Variants in SETBP1 observed in about 807,000 individuals in gnomAD.
SETBP1 encodes the protein SET binding protein 1.
In SETBP1, 9 loss-of-function variants were observed where a neutral mutation model predicts 101.0. That is an observed-to-expected ratio of 0.09 (90% confidence interval 0.05 to 0.16). The LOEUF is 0.16. Among genes scored for constraint, SETBP1 ranks in the 10% least tolerant of loss-of-function variants. The pLI, the probability that SETBP1 is intolerant of heterozygous loss-of-function variation, is 1.00. For missense variants in SETBP1, 1,858 were observed against 2,033.8 expected (o/e 0.91, Z 1.66); for synonymous variants, 818 against 788.5 (o/e 1.04, Z -0.63).
At chr18:44,738,348 C>G (rs563451538) in intron 2 of SETBP1, among the ~76,000 whole-genome samples, 40 of 152,320 alleles carry the variant, frequency 2.6e-4, no homozygotes, top group African/African-American at 7.9e-4. Context: ...TCTTTATTAA[C>G]AGTAAAATTC....
At chr18:45,032,998 T>A (rs1267194181) in intron 4 of SETBP1, among the ~76,000 whole-genome samples, 1 of 152,186 alleles carries the variant, frequency 6.6e-6, no homozygotes, top group Non-Finnish European at 1.5e-5. Flanking sequence ...AAAAATAAAA[T>A]TTTTATTGAC....
Position 45,063,482 on chromosome 18 carries a change from A to ACCG in SETBP1, c.4584_4586dup (p.Pro1529dup). Reference sequence around the variant, plus strand: ...GGGAGGCGCCGCCCCTGCCCCCGCCACCGCCGCCGCCCCTGCCGCCACCGC... The same window carrying ACCG: ...GGGAGGCGCCGCCCCTGCCCCCGCCACCGCCGCCGCCGCCCCTGCCGCCACCGC... On this transcript the variant is annotated inframe_insertion, in exon 6 of 6. Transcript: ENST00000649279. 2.1e-6 allele frequency: 2 copies of ACCG among 958,652 alleles called. No homozygotes were observed. The highest frequency in any genetic ancestry group is 2.6e-6 in the Non-Finnish European group (2 of 777,600). 59.4% of individuals were successfully genotyped at this position (958,652 alleles called of 1,614,324 possible). A position where few individuals can be genotyped will look rare whatever the true frequency, so the allele number is the denominator to read the frequency against.
intron 2 of SETBP1, among the ~76,000 whole-genome samples, chr18:44,783,929 T>C (rs1418966379): frequency 1.3e-5 from 2 of 152,182 alleles, no homozygotes; most frequent in Non-Finnish European, 2.9e-5. Context: ...AAATTTCTTG[T>C]AGTGAAATAA....
intron 3 of SETBP1, among the ~76,000 whole-genome samples, chr18:44,894,957 A>T (rs2069857785): frequency 3.7e-5 from 1 of 26,678 alleles, no homozygotes; most frequent in South Asian, 8.6e-4. Context: ...TGCAAAACTT[A>T]AAAAAAAAAA....
At chr18:44,964,555 A>G (rs2071680412) in intron 4 of SETBP1, among the ~76,000 whole-genome samples, 2 of 151,994 alleles carry the variant, frequency 1.3e-5, no homozygotes, top group Admixed American at 6.6e-5. Flanking sequence ...CTATAAACCT[A>G]TAACATGGAA....
chr18:44,845,899 C>T (rs998212778), intron 2 of SETBP1, among the ~76,000 whole-genome samples: 1 of 152,184 alleles, frequency 6.6e-6, no homozygotes, highest in Admixed American at 6.5e-5. Context: ...GAAGCAATAC[C>T]TCTTCCCAGG....
intron 1 of SETBP1, 31 bp downstream of exon 1, chr18:44,681,052 T>C (rs1417138939): frequency 6.6e-6 from 1 of 152,230 alleles, no homozygotes; most frequent in East Asian, 1.9e-4. Context: ...TGCCTGTGTG[T>C]TAGTCTTTTT....
intron 4 of SETBP1, among the ~76,000 whole-genome samples, chr18:44,995,950 A>C (rs1296464465): frequency 6.6e-6 from 1 of 152,210 alleles, no homozygotes; most frequent in Non-Finnish European, 1.5e-5. Flanking sequence ...TATGGTCCAC[A>C]TATAGGCCAT....
chr18:44,982,277 G>A (rs2072131188), intron 4 of SETBP1, among the ~76,000 whole-genome samples: 1 of 152,234 alleles, frequency 6.6e-6, no homozygotes, highest in Non-Finnish European at 1.5e-5. Flanking sequence ...GCAAGCATAT[G>A]GCAGAGTGCC....
intron 2 of SETBP1, among the ~76,000 whole-genome samples, chr18:44,843,171 C>T (rs1296224794): frequency 6.6e-6 from 1 of 152,188 alleles, no homozygotes; most frequent in Non-Finnish European, 1.5e-5. Flanking sequence ...GCAGACAGCT[C>T]CCCAGGCAGC....
intron 2 of SETBP1, among the ~76,000 whole-genome samples, chr18:44,819,905 A>G (rs2072071189): frequency 1.3e-5 from 2 of 152,216 alleles, no homozygotes; most frequent in Non-Finnish European, 2.9e-5. Flanking sequence ...CCAGCAGCAA[A>G]AAGTAAGGAC....
At chr18:44,810,109 C>T (rs2071829837) in intron 2 of SETBP1, among the ~76,000 whole-genome samples, 1 of 152,152 alleles carries the variant, frequency 6.6e-6, no homozygotes, top group African/African-American at 2.4e-5. Context: ...CCTGGGTACC[C>T]TTTTCTTCAT....
chr18:44,775,793 A>G (rs1356935763), intron 2 of SETBP1, among the ~76,000 whole-genome samples: 3 of 151,738 alleles, frequency 2.0e-5, no homozygotes, highest in African/African-American at 7.3e-5. Flanking sequence ...AGACTACCTG[A>G]GCTGGAAGAG....
At chr18:44,862,228 C>G (rs1271092713) in intron 2 of SETBP1, among the ~76,000 whole-genome samples, 1 of 152,154 alleles carries the variant, frequency 6.6e-6, no homozygotes, top group African/African-American at 2.4e-5. Flanking sequence ...AATATTAGAA[C>G]CCCATCATTT....
intron 4 of SETBP1, among the ~76,000 whole-genome samples, chr18:44,956,581 C>T (rs866924287): frequency 2.6e-5 from 4 of 152,176 alleles, no homozygotes; most frequent in Non-Finnish European, 5.9e-5. Flanking sequence ...ATCCAAATGT[C>T]CTATTTCACA....
At chr18:44,918,443 T>A (rs1377892006) in intron 3 of SETBP1, among the ~76,000 whole-genome samples, 1 of 152,198 alleles carries the variant, frequency 6.6e-6, no homozygotes, top group East Asian at 1.9e-4. Context: ...CACTTGACTC[T>A]GAGTTAGAAA....
intron 4 of SETBP1, among the ~76,000 whole-genome samples, chr18:44,996,333 C>A (rs2072498039): frequency 6.6e-6 from 1 of 152,192 alleles, no homozygotes; most frequent in Non-Finnish European, 1.5e-5. Flanking sequence ...TACAGCAAGG[C>A]TCTCCATCTA....
At chr18:44,814,776 G>T (rs886681892) in intron 2 of SETBP1, among the ~76,000 whole-genome samples, 2 of 152,260 alleles carry the variant, frequency 1.3e-5, no homozygotes, top group Admixed American at 6.5e-5. Context: ...ATTCCAGAAT[G>T]TCAGAATCTG....
chr18:44,932,443 C>A (rs961754801), intron 3 of SETBP1, among the ~76,000 whole-genome samples: 1 of 152,186 alleles, frequency 6.6e-6, no homozygotes, highest in Admixed American at 6.5e-5. Flanking sequence ...CGAGGAGGAT[C>A]TTTGTGGCGT....
Sources: allele counts gnomAD v4.1 joint callset (sites outside exome capture counted in the v4.1 genomes callset), GRCh38; gene constraint gnomAD v4.1.1; transcripts MANE v1.5; gene names NCBI Gene and HGNC (gene_info 2026-07-23, HGNC 2026-07-21).